Variants in DYRK4 observed in about 807,000 individuals in gnomAD.
The protein encoded by DYRK4 is dual specificity tyrosine phosphorylation regulated kinase 4, also known as dual specificity tyrosine-phosphorylation-regulated kinase 4.
A neutral mutation model predicts 68.3 loss-of-function variants in DYRK4; 64 were observed. The observed-to-expected ratio is 0.94, with a 90% CI of 0.77 to 1.15. DYRK4 has a LOEUF of 1.15. DYRK4 is among the 50% of genes most tolerant of loss of function. The probability of loss-of-function intolerance (pLI) is 0.00; values close to 1 mark genes in which losing one functional copy is unlikely to be tolerated. For missense variants in DYRK4, 740 were observed against 764.7 expected (o/e 0.97, Z 0.38); for synonymous variants, 274 against 289.9 (o/e 0.95, Z 0.56).
At position 4,593,028 on chromosome 12, in the gene DYRK4, C is replaced by T; in HGVS notation, c.490C>T (p.Leu164=). 6.2e-7 allele frequency: 1 copy of T among 1,614,090 alleles called. No individual in the cohort carries two copies. Among genetic ancestry groups the T allele is most frequent in the Non-Finnish European group, 8.5e-7 (1 of 1,179,978 alleles). The change falls in exon 6 of 15, where the codon CTG becomes TTG. Residue 164 remains leucine (L), a synonymous_variant. Transcript: ENST00000543431. ...GGCCCTAAAGCTTTTTAAGAACCAG[C>T]TGTCTCCATATGAACAAAGTGAAAT... ...AEALKLFKNQ[L]SPYEQSEILG...
At chr12:4,596,908 C>G (rs1945024400) in intron 8 of DYRK4, 179 bp downstream of exon 8, 7 of 1,443,770 alleles carry the variant, frequency 4.8e-6, no homozygotes, top group Non-Finnish European at 6.3e-6. Flanking sequence ...AGCAGGCCAT[C>G]TTGGTATGCC....
intron 13 of DYRK4, 136 bp from the exon 14 acceptor site, chr12:4,612,407 A>T (rs1203624346): frequency 6.5e-6 from 6 of 927,546 alleles, no homozygotes; most frequent in Non-Finnish European, 6.2e-6. Context: ...TATATGCCAT[A>T]ATCTCTGTTC....
At chr12:4,595,755 T>A (rs1945010404) in intron 6 of DYRK4, among the ~76,000 whole-genome samples, 2 of 152,140 alleles carry the variant, frequency 1.3e-5, no homozygotes, top group Non-Finnish European at 2.9e-5. Context: ...TCATAAAATG[T>A]CCAAACTGAA....
At chr12:4,604,850 G>T in intron 10 of DYRK4, 64 bp from the exon 11 acceptor site, 1 of 1,491,718 alleles carries the variant, frequency 6.7e-7, no homozygotes, top group Non-Finnish European at 9.0e-7. Context: ...AGTTGTCCTG[G>T]GGGAGAGCGT....
Position 4,590,323 on chromosome 12 carries a change from T to C in DYRK4, c.214-7T>C, listed in dbSNP as rs1944939732. On this transcript the variant is annotated splice_polypyrimidine_tract_variant and splice_region_variant and intron_variant, in intron 3 of 14. Coordinates refer to ENST00000543431, the MANE Select transcript of DYRK4 (RefSeq NM_001394779.1). ...TTTTGTAACACATGCAATTTCTCCT[T>C]CTACAGAACACCAGTGTTACTTCAC... The C allele has an allele frequency of 6.5e-7, 1 of 1,531,574 alleles. No homozygotes were observed. Among genetic ancestry groups the C allele is most frequent in the Non-Finnish European group, 8.7e-7 (1 of 1,145,382 alleles). 94.9% of individuals were successfully genotyped at this position (1,531,574 alleles called of 1,614,324 possible). A position where few individuals can be genotyped will look rare whatever the true frequency, so the allele number is the denominator to read the frequency against.
chr12:4,605,288 A>C (rs1342455275), intron 11 of DYRK4, among the ~76,000 whole-genome samples: 1 of 152,232 alleles, frequency 6.6e-6, no homozygotes, highest in Non-Finnish European at 1.5e-5. Flanking sequence ...CATAAATTTA[A>C]ATAGTTGCAG....
chr12:4,609,929 G>A (rs1945198455), intron 12 of DYRK4: 1 of 319,456 alleles, frequency 3.1e-6, no homozygotes, highest in Non-Finnish European at 5.7e-6. Context: ...AGAACATACT[G>A]AATAGTAGGA....
intron 8 of DYRK4, among the ~76,000 whole-genome samples, chr12:4,597,619 G>T (rs147505247): frequency 6.6e-6 from 1 of 152,348 alleles, no homozygotes; most frequent in African/African-American, 2.4e-5. Flanking sequence ...GCTTAAAAGA[G>T]CTCTGGGAGG....
rs946817691 is a variant in DYRK4, at chr12:4,591,445, G to A, written c.463+147G>A. ...GCCAAGAGGAAAGTAGAAGTTAAGC[G>A]TTGAACCTCTGACTGTGGTAGTATA... On this transcript the variant is annotated intron_variant, in intron 5 of 14. Transcript: ENST00000543431. The surrounding 1 kb of genome is among the most constrained non-coding windows in gnomAD (Gnocchi z 4.1). 1.6e-5 allele frequency: 18 copies of A among 1,152,558 alleles called. No homozygotes were observed. The highest frequency in any genetic ancestry group is 3.1e-5 in the African/African-American group (2 of 64,154). The allele number at this position is 1,152,558 out of a possible 1,614,324, so 71.4% of individuals were successfully genotyped here. A position where few individuals can be genotyped will look rare whatever the true frequency, so the allele number is the denominator to read the frequency against.
At chr12:4,609,533 T>C (rs1444357538) in intron 12 of DYRK4, among the ~76,000 whole-genome samples, 1 of 152,078 alleles carries the variant, frequency 6.6e-6, no homozygotes, top group Non-Finnish European at 1.5e-5. Context: ...AGCAAAATGG[T>C]GTTGTCTCAA....
chr12:4,588,158 C>A (rs1413814823), intron 2 of DYRK4, among the ~76,000 whole-genome samples: 4 of 152,190 alleles, frequency 2.6e-5, no homozygotes, highest in African/African-American at 4.8e-5. Flanking sequence ...ATCTTGGCCT[C>A]AAGTGATCGT....
rs562964697 is a variant in DYRK4 at position 4,562,303 on chromosome 12, G to A, written c.38+20G>A. 8.8e-4 allele frequency: 1,346 copies of A among 1,530,898 alleles called. 8 individuals are homozygous for A. In the African/African-American group the frequency reaches 0.015, roughly 17 times the overall value. The allele number at this position is 1,530,898 out of a possible 1,614,324, so 94.8% of individuals were successfully genotyped here. Reference sequence around the variant, plus strand: ...AACAAAGTAAGGGCCGCGGAGGCTCGTACTTCACGAGCAGTCAGGCGCGAG... The same window carrying A: ...AACAAAGTAAGGGCCGCGGAGGCTCATACTTCACGAGCAGTCAGGCGCGAG... On this transcript the variant is annotated intron_variant, in intron 1 of 14. Coordinates refer to ENST00000543431, the MANE Select transcript of DYRK4 (RefSeq NM_001394779.1).
chr12:4,598,920 T>A (rs923909128), intron 8 of DYRK4, 108 bp from the exon 9 acceptor site: 1 of 1,304,522 alleles, frequency 7.7e-7, no homozygotes, highest in Non-Finnish European at 1.1e-6. Flanking sequence ...GCCTGAGGCT[T>A]GCCTGCTACT....
chr12:4,567,607 CTAAG>C (rs1202493039), intron 1 of DYRK4, among the ~76,000 whole-genome samples: 1 of 152,186 alleles, frequency 6.6e-6, no homozygotes, highest in Non-Finnish European at 1.5e-5. Context: ...ATTAAACTAT[CTAAG>C]TAGCCCATGA....
intron 12 of DYRK4, among the ~76,000 whole-genome samples, chr12:4,607,654 A>G (rs961805157): frequency 3.9e-5 from 6 of 152,186 alleles, no homozygotes; most frequent in Non-Finnish European, 5.9e-5. Context: ...CTATCAGCAA[A>G]TATTGCAACC....
intron 2 of DYRK4, among the ~76,000 whole-genome samples, chr12:4,582,818 G>A (rs1029915658): frequency 6.6e-6 from 1 of 152,192 alleles, no homozygotes; most frequent in African/African-American, 2.4e-5. Flanking sequence ...GGAGCCAAAA[G>A]GCAGGGGTAG....
chr12:4,612,020 T>G (rs1344378764), intron 13 of DYRK4, among the ~76,000 whole-genome samples: 2 of 152,224 alleles, frequency 1.3e-5, no homozygotes, highest in Non-Finnish European at 2.9e-5. Flanking sequence ...GTTAGTATCT[T>G]GTCACTGAAA....
At chr12:4,579,629 G>A (rs1011668916) in intron 2 of DYRK4, among the ~76,000 whole-genome samples, 16 of 152,274 alleles carry the variant, frequency 1.1e-4, no homozygotes, top group African/African-American at 3.9e-4. Flanking sequence ...GCATGCAAAG[G>A]CATTCTATCT....
At chr12:4,579,714 A>G (rs973091033) in intron 2 of DYRK4, among the ~76,000 whole-genome samples, 3 of 152,218 alleles carry the variant, frequency 2.0e-5, no homozygotes, top group African/African-American at 7.2e-5. Flanking sequence ...ACTTTATATT[A>G]TAGGAAATTT....
Sources: allele counts gnomAD v4.1 joint callset (sites outside exome capture counted in the v4.1 genomes callset), GRCh38; gene constraint gnomAD v4.1.1; non-coding constraint Gnocchi (gnomAD v3.1); transcripts MANE v1.5; gene names NCBI Gene and HGNC (gene_info 2026-07-23, HGNC 2026-07-21).